The following COL1A2 variants were observed in gnomAD, a reference collection of about 807,000 sequenced individuals.
COL1A2 encodes collagen type I alpha 2 chain.
A neutral mutation model predicts 174.3 loss-of-function variants in COL1A2; 49 were observed. The ratio of observed to expected loss-of-function variants is 0.28; its 90% CI spans 0.22 to 0.36. COL1A2 has a LOEUF of 0.36. Among genes scored for constraint, COL1A2 ranks in the 10% least tolerant of loss-of-function variants. COL1A2 has a pLI of 1.00. For synonymous variants in COL1A2, 655 were observed against 606.6 expected (o/e 1.08, Z -1.17); for missense variants, 1,438 against 1,822.7 (o/e 0.79, Z 3.84).
chr7:94,410,741 G>T, intron 21 of COL1A2, 148 bp from the exon 22 acceptor site: 1 of 955,700 alleles, frequency 1.0e-6, no homozygotes, highest in Non-Finnish European at 1.7e-6. Flanking sequence ...GCTCATCTAT[G>T]AATTCCTCTA....
rs747239682 is a variant in COL1A2 at position 94,409,903 on chromosome 7, T to C, written c.1035+82T>C. ...TCATCACTATCTAGACTTCCACTTG[T>C]AGTTTTATTATTCCTATTTTTCTCT... On this transcript the variant is annotated intron_variant, in intron 19 of 51. Coordinates refer to ENST00000297268, the MANE Select transcript of COL1A2 (RefSeq NM_000089.4). The C allele has an allele frequency of 2.4e-5, 32 of 1,326,974 alleles. No individual in the cohort carries two copies. The Admixed American group carries it at 2.7e-4, about 11-fold the overall frequency. The allele number at this position is 1,326,974 out of a possible 1,614,324, so 82.2% of individuals were successfully genotyped here. A position where few individuals can be genotyped will look rare whatever the true frequency, so the allele number is the denominator to read the frequency against.
intron 50 of COL1A2, 79 bp from the exon 51 acceptor site, chr7:94,429,108 CT>C (rs11380334): frequency 0.064 from 50,925 of 793,818 alleles, 2 homozygotes; most frequent in South Asian, 0.083. Flanking sequence ...CTTTTTTTTT[CT>C]TTTTTTTTTT....
chr7:94,408,217 T>C lies in COL1A2; in HGVS notation c.674T>C (p.Val225Ala), dbSNP rs1210318478. 8 of 1,613,792 alleles carry C rather than the reference T, an allele frequency of 5.0e-6. No individual in the cohort carries two copies. The highest frequency in any genetic ancestry group is 6.8e-6 in the Non-Finnish European group (8 of 1,179,964). The change falls in exon 14 of 52, where the codon GTT becomes GCT. Residue 225 changes from valine to alanine, a missense_variant. Around this residue, in one of 3 missense-constraint regions of COL1A2, gnomAD observed 281 missense variants for 310.9 expected, o/e 0.90. Coordinates refer to ENST00000297268, the MANE Select transcript of COL1A2 (RefSeq NM_000089.4). ...GGGCTTCCTGGTGAGAGAGGACGTGTTGGTGCCCCTGGCCCAGCTGTAAGT... is the reference window on the plus strand; with the variant it reads ...GGGCTTCCTGGTGAGAGAGGACGTGCTGGTGCCCCTGGCCCAGCTGTAAGT... ...ARGLPGERGR[V>A]GAPGPAGARG...
Position 94,422,732 on chromosome 7 carries a change from G to A in COL1A2, c.2404-225G>A, listed in dbSNP as rs374894767. The A allele has an allele frequency of 3.4e-5, 19 of 562,012 alleles. 1 individual carries two copies. The highest frequency in any genetic ancestry group is 6.4e-5 in the East Asian group (2 of 31,370). The allele number at this position is 562,012 out of a possible 1,614,324, so 34.8% of individuals were successfully genotyped here. A position where few individuals can be genotyped will look rare whatever the true frequency, so the allele number is the denominator to read the frequency against. The stretch of plus-strand genomic sequence containing the variant: ...TTTTTCCTCATAGAAATTTGCCATA[G>A]TCTCTCCTCCATTATTTGGTTGGTT... On this transcript the variant is annotated intron_variant, in intron 39 of 51. Coordinates refer to ENST00000297268, the MANE Select transcript of COL1A2 (RefSeq NM_000089.4).
At chr7:94,416,558 T>A in intron 31 of COL1A2, 55 bp downstream of exon 31, 1 of 1,237,314 alleles carries the variant, frequency 8.1e-7, no homozygotes, top group Non-Finnish European at 1.2e-6. Context: ...CTGGAATAAG[T>A]AGACCCTTTA....
rs573112804 is a variant in COL1A2 at position 94,421,170 on chromosome 7, T to A, written c.2349+108T>A. 3.6e-6 allele frequency: 4 copies of A among 1,116,936 alleles called. No homozygotes were observed. In the Admixed American group the frequency reaches 7.2e-5, roughly 20 times the overall value. 69.2% of individuals were successfully genotyped at this position (1,116,936 alleles called of 1,614,324 possible). Reference sequence around the variant, plus strand: ...AATTTGGACTACCATGAGGAAACTTTTGAGATTCAAGTTCATTCTATTCAG... The same window carrying A: ...AATTTGGACTACCATGAGGAAACTTATGAGATTCAAGTTCATTCTATTCAG... On this transcript the variant is annotated intron_variant, in intron 38 of 51. Transcript: ENST00000297268.
Position 94,427,079 on chromosome 7 carries a change from A to G in COL1A2, c.3159+18A>G, listed in dbSNP as rs1792294655. 1 of 1,613,594 alleles carries G rather than the reference A, an allele frequency of 6.2e-7. No homozygotes were observed. Among genetic ancestry groups the G allele is most frequent in the African/African-American group, 1.3e-5 (1 of 74,844 alleles). On this transcript the variant is annotated intron_variant, in intron 47 of 51. Coordinates refer to ENST00000297268, the MANE Select transcript of COL1A2 (RefSeq NM_000089.4). ...GTCCTAGGGTAGGTGGACTCAAGAG[A>G]AGACAGTTCATCTCTGAAATAGAGG...
At chr7:94,410,055 A>G (rs1791886812) in intron 19 of COL1A2, among the ~76,000 whole-genome samples, 187 bp from the exon 20 acceptor site, 1 of 152,214 alleles carries the variant, frequency 6.6e-6, no homozygotes, top group Admixed American at 6.5e-5. Context: ...AAGTTCTACA[A>G]TATCAGTTTT....
chr7:94,398,197 A>T (rs1791619247), intron 2 of COL1A2, among the ~76,000 whole-genome samples, 185 bp from the exon 3 acceptor site: 1 of 152,096 alleles, frequency 6.6e-6, no homozygotes, highest in African/African-American at 2.4e-5. Flanking sequence ...CTGTAGGTAC[A>T]TATTTTTATT....
rs776401729 is a variant in COL1A2, at chr7:94,418,492, C to T, written c.1972-7C>T. On this transcript the variant is annotated splice_region_variant and splice_polypyrimidine_tract_variant and intron_variant, in intron 32 of 51. Transcript: ENST00000297268. ...AACAAAAAGTTGCTCTTGCTTTATA[C>T]TTTCAGGGTGAACCTGGTCTCAGAG... 5.0e-6 allele frequency: 8 copies of T among 1,613,432 alleles called. No homozygotes were observed. In the Admixed American group the frequency reaches 5.0e-5, roughly 10 times the overall value.
intron 12 of COL1A2, 42 bp from the exon 13 acceptor site, chr7:94,407,805 T>C (rs1159352278): frequency 6.3e-7 from 1 of 1,590,698 alleles, no homozygotes; most frequent in East Asian, 2.2e-5. Flanking sequence ...GAAAAATAAT[T>C]GTTATATTTA....
intron 50 of COL1A2, among the ~76,000 whole-genome samples, 169 bp from the exon 51 acceptor site, chr7:94,429,019 C>A (rs1036620999): frequency 6.6e-6 from 1 of 151,812 alleles, no homozygotes. Flanking sequence ...GTAACTGATA[C>A]TTCAAAGACA....
At chr7:94,428,718 A>C (rs1373077253) in intron 50 of COL1A2, among the ~76,000 whole-genome samples, 2 of 152,202 alleles carry the variant, frequency 1.3e-5, no homozygotes, top group Non-Finnish European at 2.9e-5. Flanking sequence ...AAAACTGACT[A>C]ATGTCATTTA....
intron 33 of COL1A2, 91 bp downstream of exon 33, chr7:94,418,643 CT>C: frequency 1.0e-6 from 1 of 965,966 alleles, no homozygotes; most frequent in South Asian, 1.4e-5. Flanking sequence ...ACTACACACA[CT>C]TTATTTATCA....
In COL1A2 at chr7:94,427,743, C is replaced by A; in HGVS notation, c.3384C>A (p.Leu1128=). The change falls in exon 49 of 52, where the codon CTC becomes CTA. Residue 1128 remains leucine (L), a synonymous_variant. Transcript: ENST00000297268. ...ACCAGCCTCGCTCAGCACCTTCTCT[C>A]AGACCCAAGGACTATGAAGTTGATG... is the stretch of plus-strand genomic sequence containing the variant. The part of the protein sequence containing the change: ...RADQPRSAPS[L]RPKDYEVDAT... 6.2e-7 allele frequency: 1 copy of A among 1,614,140 alleles called. No individual in the cohort carries two copies. The highest frequency in any genetic ancestry group is 8.5e-7 in the Non-Finnish European group (1 of 1,180,030).
intron 21 of COL1A2, 133 bp from the exon 22 acceptor site, chr7:94,410,756 T>C: frequency 4.9e-6 from 5 of 1,018,948 alleles, no homozygotes; most frequent in Non-Finnish European, 6.1e-6. Context: ...CCTCTAGGGG[T>C]TGGGTGAAGT....
At chr7:94,411,303 T>C (rs1214125745) in intron 23 of COL1A2, 149 bp downstream of exon 23, 3 of 706,384 alleles carry the variant, frequency 4.2e-6, no homozygotes, top group Admixed American at 4.4e-5. Flanking sequence ...TTATCAAAGC[T>C]CAGTAGATAT....
At chr7:94,422,615 C>A in intron 39 of COL1A2, 2 of 221,042 alleles carry the variant, frequency 9.0e-6, no homozygotes, top group South Asian at 9.0e-5. Flanking sequence ...CAAAGTCCTT[C>A]GAAACTCAGA....
At chr7:94,430,157 A>C in intron 51 of COL1A2, 90 bp from the exon 52 acceptor site, 1 of 1,300,744 alleles carries the variant, frequency 7.7e-7, no homozygotes, top group Non-Finnish European at 1.1e-6. Context: ...ACACATGCCA[A>C]ACAGTGGTTC....
Sources: allele counts gnomAD v4.1 joint callset (sites outside exome capture counted in the v4.1 genomes callset), GRCh38; gene constraint gnomAD v4.1.1; regional missense constraint gnomAD v4.1.1; transcripts MANE v1.5; gene names NCBI Gene and HGNC (gene_info 2026-07-23, HGNC 2026-07-21).